The following REPS1 variants were observed in gnomAD, a reference collection of about 807,000 sequenced individuals.
REPS1 encodes the protein RALBP1 associated Eps domain containing 1.
Under a neutral mutation model 100.9 loss-of-function variants are expected in REPS1, and 39 were observed. The ratio of observed to expected loss-of-function variants is 0.39; its 90% CI spans 0.30 to 0.50. REPS1 has a LOEUF of 0.50. REPS1 is among the 20% of genes least tolerant of loss of function. The probability of loss-of-function intolerance (pLI) is 0.86; values close to 1 mark genes in which losing one functional copy is unlikely to be tolerated. For synonymous variants in REPS1, 324 were observed against 340.3 expected (o/e 0.95, Z 0.53); for missense variants, 821 against 968.5 (o/e 0.85, Z 2.02).
At position 138,929,863 on chromosome 6, in the gene REPS1, T is replaced by C. The variant is rs932877946; in HGVS notation, c.1257+114A>G. On this transcript the variant is annotated intron_variant, in intron 9 of 19. Coordinates refer to ENST00000450536, the MANE Select transcript of REPS1 (RefSeq NM_001286611.2). ...AACATTTATCATAGTATATCTGATA[T>C]GTTCTCTCAATTATGCATGCATGCT... is the stretch of plus-strand genomic sequence containing the variant. 17 of 984,228 alleles carry C rather than the reference T, an allele frequency of 1.7e-5. No homozygotes were observed. In the African/African-American group the frequency reaches 2.4e-4, roughly 14 times the overall value. The allele number at this position is 984,228 out of a possible 1,614,324, so 61.0% of individuals were successfully genotyped here.
At chr6:138,962,312 A>G (rs773671147) in intron 1 of REPS1, among the ~76,000 whole-genome samples, 2 of 152,116 alleles carry the variant, frequency 1.3e-5, no homozygotes, top group Non-Finnish European at 2.9e-5. Flanking sequence ...TCCCTTCCCA[A>G]TGATACAATG....
chr6:138,944,796 T>C (rs1319457421), intron 4 of REPS1, among the ~76,000 whole-genome samples, 174 bp from the exon 5 acceptor site: 2 of 152,228 alleles, frequency 1.3e-5, no homozygotes, highest in African/African-American at 4.8e-5. Flanking sequence ...GTGCTCTCCT[T>C]GTCAATAAAA....
intron 1 of REPS1, among the ~76,000 whole-genome samples, chr6:138,955,712 GA>G (rs1253765587): frequency 1.3e-5 from 2 of 151,978 alleles, no homozygotes; most frequent in Non-Finnish European, 2.9e-5. Flanking sequence ...TAGGAAAAAA[GA>G]TAAACTAGAC....
intron 1 of REPS1, among the ~76,000 whole-genome samples, chr6:138,979,198 CAAAA>C (rs1277794755): frequency 1.1e-5 from 1 of 91,798 alleles, no homozygotes; most frequent in Non-Finnish European, 2.0e-5. Flanking sequence ...AAAAAAAAAA[CAAAA>C]AAAAAAAACT....
chr6:138,920,393 A>AC, intron 11 of REPS1, 77 bp from the exon 12 acceptor site: 1 of 627,714 alleles, frequency 1.6e-6, no homozygotes, highest in South Asian at 2.8e-5. Context: ...AGAGTGTAAG[A>AC]CTTCATTTAA....
intron 19 of REPS1, 56 bp downstream of exon 19, chr6:138,907,439 C>A: frequency 8.0e-7 from 1 of 1,250,104 alleles, no homozygotes; most frequent in South Asian, 1.2e-5. Flanking sequence ...CATTCCTTCT[C>A]TTTAGGTTTC....
At chr6:138,925,714 CA>C (rs1406875451) in intron 10 of REPS1, among the ~76,000 whole-genome samples, 1 of 149,270 alleles carries the variant, frequency 6.7e-6, no homozygotes, top group Non-Finnish European at 1.5e-5. Context: ...GAGAAGTGAA[CA>C]GGGAGAAGAA....
intron 1 of REPS1, among the ~76,000 whole-genome samples, chr6:138,969,885 A>G (rs1984944): frequency 0.34 from 17,831 of 52,882 alleles, 1,061 homozygotes; most frequent in African/African-American, 0.38. Flanking sequence ...TTTTTTTTTT[A>G]GTAAGTACCT....
chr6:138,947,644 C>T (rs181507940), intron 2 of REPS1, 146 bp downstream of exon 2: 3 of 603,960 alleles, frequency 5.0e-6, no homozygotes, highest in Admixed American at 7.4e-5. Flanking sequence ...GTGAGAAATG[C>T]AAGGTAGTGG....
intron 1 of REPS1, among the ~76,000 whole-genome samples, chr6:138,976,085 T>C (rs535290084): frequency 2.0e-5 from 3 of 152,226 alleles, no homozygotes; most frequent in South Asian, 2.1e-4. Context: ...TCAGAAAAAA[T>C]ATGCATTCTT....
chr6:138,975,310 C>A (rs991899478), intron 1 of REPS1, among the ~76,000 whole-genome samples: 1 of 152,160 alleles, frequency 6.6e-6, no homozygotes, highest in African/African-American at 2.4e-5. Flanking sequence ...AACTTCACTT[C>A]AAGAGAGCAA....
Position 138,941,318 on chromosome 6 carries a change from T to C in REPS1, c.1135+17A>G. ...TATCAAGGCATGCAAACAGCTCTCT[T>C]CAGCTCCCAATCTTACCTGCTGAAT... On this transcript the variant is annotated intron_variant, in intron 8 of 19. Coordinates refer to ENST00000450536, the MANE Select transcript of REPS1 (RefSeq NM_001286611.2). 2.5e-6 allele frequency: 4 copies of C among 1,613,612 alleles called. No individual in the cohort carries two copies. The highest frequency in any genetic ancestry group is 3.4e-6 in the Non-Finnish European group (4 of 1,179,756).
intron 12 of REPS1, among the ~76,000 whole-genome samples, chr6:138,919,256 G>C (rs1408484753): frequency 4.6e-5 from 7 of 152,052 alleles, no homozygotes; most frequent in African/African-American, 1.4e-4. Flanking sequence ...AATATAGCCA[G>C]AGTCCAGCCA....
chr6:138,920,386 G>A, intron 11 of REPS1, 70 bp from the exon 12 acceptor site: 1 of 666,592 alleles, frequency 1.5e-6, no homozygotes, highest in Admixed American at 2.6e-5. Context: ...AAAGCTCAGA[G>A]TGTAAGACTT....
chr6:138,933,162 G>A (rs917033254), intron 8 of REPS1, among the ~76,000 whole-genome samples: 1 of 152,148 alleles, frequency 6.6e-6, no homozygotes, highest in African/African-American at 2.4e-5. Context: ...CTTTGATGTA[G>A]TACCAAAGAA....
At chr6:138,967,958 C>A (rs915047266) in intron 1 of REPS1, among the ~76,000 whole-genome samples, 1 of 152,150 alleles carries the variant, frequency 6.6e-6, no homozygotes, top group Non-Finnish European at 1.5e-5. Context: ...AGGCTCAGAG[C>A]AGTTAAGTAC....
chr6:138,941,953 A>C lies in REPS1; in HGVS notation c.981-464T>G, dbSNP rs112378154. 4.6e-3 allele frequency among the ~76,000 whole-genome samples: 694 copies of C among 152,260 alleles called. 7 individuals are homozygous for C. Among genetic ancestry groups the C allele is most frequent in the African/African-American group, 0.016 (651 of 41,538 alleles). On this transcript the variant is annotated intron_variant, in intron 7 of 19. Coordinates refer to ENST00000450536, the MANE Select transcript of REPS1 (RefSeq NM_001286611.2). ...GAGTGCAGTGGCACGATCTCGGCCCACTGCAACCTCCACCTCCTGGGTTCA... is the reference window on the plus strand; with the variant it reads ...GAGTGCAGTGGCACGATCTCGGCCCCCTGCAACCTCCACCTCCTGGGTTCA...
chr6:138,904,405 A>G lies in REPS1; in HGVS notation c.*659T>C, dbSNP rs1260520223. 1.3e-5 allele frequency: 2 copies of G among 152,254 alleles called. No individual in the cohort carries two copies. Among genetic ancestry groups the G allele is most frequent in the African/African-American group, 2.4e-5 (1 of 41,470 alleles). The allele number at this position is 152,254 out of a possible 1,614,324, so 9.4% of individuals were successfully genotyped here. ...ACTCATACCTATTTCATAAGTTTACATGACTGCTGAATTATTGAATCTCAT... is the reference window on the plus strand; with the variant it reads ...ACTCATACCTATTTCATAAGTTTACGTGACTGCTGAATTATTGAATCTCAT... On this transcript the variant is annotated 3_prime_UTR_variant, in exon 20 of 20. Coordinates refer to ENST00000450536, the MANE Select transcript of REPS1 (RefSeq NM_001286611.2).
intron 1 of REPS1, among the ~76,000 whole-genome samples, chr6:138,983,963 C>T (rs1389750840): frequency 6.6e-6 from 1 of 152,210 alleles, no homozygotes; most frequent in Non-Finnish European, 1.5e-5. Flanking sequence ...CCTTTTCTAA[C>T]TGTGAGTGGT....
Sources: gnomAD v4.1 joint callset for allele counts (sites outside exome capture counted in the v4.1 genomes callset) on GRCh38, gnomAD v4.1.1 for gene constraint, MANE v1.5 for transcripts, NCBI Gene and HGNC (gene_info 2026-07-23, HGNC 2026-07-21) for gene names.